Variants in DOCK6 observed in about 807,000 individuals in gnomAD.
The protein encoded by DOCK6 is dedicator of cytokinesis 6.
Under a neutral mutation model 230.3 loss-of-function variants are expected in DOCK6, and 167 were observed. That is an observed-to-expected ratio of 0.73 (90% CI 0.64 to 0.82). The LOEUF (loss-of-function observed/expected upper bound fraction) is 0.82. Among genes scored for constraint, DOCK6 ranks in the 40% least tolerant of loss-of-function variants. DOCK6 has a pLI of 0.00. For missense variants in DOCK6, 2,598 were observed against 2,825.8 expected (o/e 0.92, Z 1.83); for synonymous variants, 1,148 against 1,185.0 (o/e 0.97, Z 0.64).
intron 37 of DOCK6, 53 bp downstream of exon 37, chr19:11,211,723 C>T: frequency 7.2e-7 from 1 of 1,391,972 alleles, no homozygotes; most frequent in Non-Finnish European, 1.0e-6. Flanking sequence ...CCTGTTCTCC[C>T]TGCACCTGTT....
At chr19:11,259,269 C>T (rs1446643276) in intron 1 of DOCK6, among the ~76,000 whole-genome samples, 1 of 152,062 alleles carries the variant, frequency 6.6e-6, no homozygotes, top group Non-Finnish European at 1.5e-5. Context: ...CCAGGCTGGT[C>T]TTGAACTCCT....
At chr19:11,213,652 C>T (rs1471094993) in intron 34 of DOCK6, among the ~76,000 whole-genome samples, 4 of 141,788 alleles carry the variant, frequency 2.8e-5, no homozygotes, top group Non-Finnish European at 4.5e-5. Context: ...TTGCTCTTGT[C>T]TCCCAGGCTG....
intron 23 of DOCK6, chr19:11,228,729 T>C (rs920775658): frequency 1.1e-5 from 5 of 452,368 alleles, no homozygotes; most frequent in African/African-American, 1.0e-4. Context: ...CTGGCTAATT[T>C]TTTTTTGTAT....
intron 1 of DOCK6, among the ~76,000 whole-genome samples, chr19:11,255,551 C>A (rs866537975): frequency 6.6e-6 from 1 of 151,910 alleles, no homozygotes; most frequent in Non-Finnish European, 1.5e-5. Context: ...TGAGCTCAAG[C>A]GATCTGCCCG....
chr19:11,204,100 G>C lies in DOCK6; in HGVS notation c.5221-5C>G. ...ACTCACCTCCCAGCCGGAACTCTGT[G>C]GGGAAGAGAAGGGTCAAGGTCAGCA... On this transcript the variant is annotated splice_region_variant and splice_polypyrimidine_tract_variant and intron_variant, in intron 40 of 47. Coordinates refer to ENST00000294618, the MANE Select transcript of DOCK6 (RefSeq NM_020812.4). 6.5e-7 allele frequency: 1 copy of C among 1,550,378 alleles called. No individual in the cohort carries two copies. Among genetic ancestry groups the C allele is most frequent in the South Asian group, 1.2e-5 (1 of 83,994 alleles).
chr19:11,233,393 C>T (rs755749705), intron 21 of DOCK6, 27 bp from the exon 22 acceptor site: 1 of 1,603,064 alleles, frequency 6.2e-7, no homozygotes, highest in Admixed American at 1.7e-5. Context: ...TAGGGTCAAC[C>T]ACCCACCCAC....
At position 11,200,781 on chromosome 19, in the gene DOCK6, C is replaced by T. The variant is rs1364387061; in HGVS notation, c.5874G>A (p.Pro1958=). The stretch of plus-strand genomic sequence containing the variant: ...GATGCCGGAAGAGCTTGGGGTCTTC[C>T]GGGATCTCTGCTAAAAACACCTGGG... ...EVAQVFLAEI[P]EDPKLFRHHN... The change falls in exon 46 of 48, where the codon CCG becomes CCA. Residue 1958 remains proline, a synonymous_variant. Transcript: ENST00000294618. This position sits in a 1 kb window ranked among gnomAD's most constrained non-coding sequence, Gnocchi z 4.3. 7.4e-6 allele frequency: 12 copies of T among 1,613,306 alleles called. No homozygotes were observed. The highest frequency in any genetic ancestry group is 2.2e-5 in the East Asian group (1 of 44,864).
chr19:11,250,901 C>T lies in DOCK6; in HGVS notation c.693G>A (p.Leu231=). The T allele has an allele frequency of 6.2e-7, 1 of 1,603,720 alleles. No homozygotes were observed. The highest frequency in any genetic ancestry group is 8.5e-7 in the Non-Finnish European group (1 of 1,171,848). Residue 231 remains leucine (L), a synonymous_variant, in exon 6 of 48, where the codon CTG becomes CTA. Transcript: ENST00000294618. ...CGTCAGGTGCCGGGTAGAGGGTGAG[C>T]AGGGCCGGGGGCCGGTGCTGCCGTC... ...TLRRQHRPPA[L]LTLYPAPDED...
chr19:11,215,583 C>A (rs988325417), intron 31 of DOCK6, 112 bp from the exon 32 acceptor site: 4 of 1,302,612 alleles, frequency 3.1e-6, no homozygotes, highest in Non-Finnish European at 4.3e-6. Context: ...CATGAGGGCA[C>A]TGGGTGGAGC....
At chr19:11,251,143 T>A in intron 5 of DOCK6, 57 bp from the exon 6 acceptor site, 3 of 1,500,030 alleles carry the variant, frequency 2.0e-6, no homozygotes, top group Non-Finnish European at 2.7e-6. Flanking sequence ...TTCACCTCAC[T>A]CTGGTGAGAG....
chr19:11,203,717 A>G, intron 41 of DOCK6: 1 of 359,596 alleles, frequency 2.8e-6, no homozygotes, highest in Non-Finnish European at 5.1e-6. Flanking sequence ...GTGAGATACC[A>G]AGATAGGGAG....
At chr19:11,207,979 AGGCATGGT>A (rs1432632571) in intron 39 of DOCK6, among the ~76,000 whole-genome samples, 2 of 150,286 alleles carry the variant, frequency 1.3e-5, no homozygotes, top group Non-Finnish European at 3.0e-5. Context: ...AAAATTGGCC[AGGCATGGT>A]GGCATGTGCC....
intron 32 of DOCK6, among the ~76,000 whole-genome samples, chr19:11,215,028 C>T (rs1216419051): frequency 5.3e-5 from 8 of 151,728 alleles, no homozygotes; most frequent in African/African-American, 1.7e-4. Context: ...CTGTAAGCTC[C>T]GCCTCCCGGG....
At chr19:11,245,462 G>C in intron 9 of DOCK6, 101 bp downstream of exon 9, 1 of 1,281,630 alleles carries the variant, frequency 7.8e-7, no homozygotes, top group South Asian at 1.3e-5. Flanking sequence ...CAACAGCCCT[G>C]ATTACCCTTC....
At chr19:11,238,581 TG>T (rs1187099418) in intron 14 of DOCK6, 7 of 430,120 alleles carry the variant, frequency 1.6e-5, no homozygotes, top group Non-Finnish European at 2.6e-5. Flanking sequence ...GAGGCACTCA[TG>T]GGGCACAGTG....
At chr19:11,241,682 G>A in intron 14 of DOCK6, 1 of 1,582,624 alleles carries the variant, frequency 6.3e-7, no homozygotes, top group South Asian at 1.2e-5. Flanking sequence ...GGCGCTCCCA[G>A]CCTGAATCTG....
intron 37 of DOCK6, 61 bp from the exon 38 acceptor site, chr19:11,209,164 C>T: frequency 6.5e-7 from 1 of 1,540,852 alleles, no homozygotes; most frequent in Admixed American, 1.9e-5. Flanking sequence ...CCACCTGCCT[C>T]CCACTTGTCC....
At chr19:11,206,584 A>G (rs2079264763) in intron 39 of DOCK6, among the ~76,000 whole-genome samples, 2 of 151,812 alleles carry the variant, frequency 1.3e-5, no homozygotes, top group South Asian at 4.2e-4. Flanking sequence ...AAAGAAAGAA[A>G]AAAGAGACTT....
At position 11,252,926 on chromosome 19, in the gene DOCK6, G is replaced by T. The variant is rs1208478782; in HGVS notation, c.165C>A (p.Asp55Glu). 1 of 1,612,204 alleles carries T rather than the reference G, an allele frequency of 6.2e-7. No individual in the cohort carries two copies. Among genetic ancestry groups the T allele is most frequent in the Admixed American group, 1.7e-5 (1 of 59,634 alleles). ...VPLTEVVEPL[D>E]FEDVLLSRPP... ...GCCGGCTCAGAAGTACATCCTCAAA[G>T]TCCAGGGGCTCGACAACTTCAGTCA... The change falls in exon 3 of 48, where the codon GAC becomes GAA. Residue 55 changes from aspartate (D) to glutamate (E), a missense_variant. Transcript: ENST00000294618.
Sources: gnomAD v4.1 joint callset for allele counts (sites outside exome capture counted in the v4.1 genomes callset) on GRCh38, gnomAD v4.1.1 for gene constraint, Gnocchi (gnomAD v3.1) non-coding constraint, MANE v1.5 for transcripts, NCBI Gene and HGNC (gene_info 2026-07-23, HGNC 2026-07-21) for gene names.